PPP2R5C: variants seen among roughly 807,000 people sequenced by gnomAD.
PPP2R5C encodes serine/threonine-protein phosphatase 2A 56 kDa regulatory subunit gamma isoform.
A neutral mutation model predicts 68.9 loss-of-function variants in PPP2R5C; 7 were observed. That is an observed-to-expected ratio of 0.10 (90% confidence interval 0.06 to 0.19). The LOEUF is 0.19. Ranked by LOEUF, PPP2R5C falls within the 10% of genes least tolerant of loss-of-function variation. The pLI, the probability that PPP2R5C is intolerant of heterozygous loss-of-function variation, is 1.00. For synonymous variants in PPP2R5C, 210 were observed against 222.2 expected (o/e 0.95, Z 0.49); for missense variants, 348 against 641.3 (o/e 0.54, Z 4.94).
chr14:101,895,900 T>C (rs2045288088), intron 8 of PPP2R5C, among the ~76,000 whole-genome samples: 1 of 152,232 alleles, frequency 6.6e-6, no homozygotes, highest in African/African-American at 2.4e-5. Context: ...CCATACTGTT[T>C]TCCACAGTGA....
intron 13 of PPP2R5C, among the ~76,000 whole-genome samples, chr14:101,918,926 G>A (rs1337137456): frequency 4.6e-5 from 7 of 151,940 alleles, no homozygotes; most frequent in South Asian, 2.1e-4. Context: ...TTTGACCAGC[G>A]AAAGAATTCC....
At chr14:101,907,386 G>T (rs1028793530) in intron 10 of PPP2R5C, among the ~76,000 whole-genome samples, 2 of 151,932 alleles carry the variant, frequency 1.3e-5, no homozygotes, top group Non-Finnish European at 2.9e-5. Flanking sequence ...GCCCAGGCTG[G>T]TCTCGAACTC....
intron 1 of PPP2R5C, among the ~76,000 whole-genome samples, chr14:101,838,491 C>A (rs571340483): frequency 6.6e-6 from 1 of 152,310 alleles, no homozygotes. Flanking sequence ...AATATTTTGC[C>A]ACATTTGCTG....
intron 1 of PPP2R5C, among the ~76,000 whole-genome samples, chr14:101,822,663 A>G (rs1011705515): frequency 3.3e-5 from 5 of 152,198 alleles, no homozygotes; most frequent in Non-Finnish European, 7.3e-5. Flanking sequence ...TCAGGTATTG[A>G]AACTGGCCTT....
Position 101,766,967 on chromosome 14 carries a change from C to A in PPP2R5C, c.93+3997C>A, listed in dbSNP as rs1006387929. ...AGTGTGTGTACTGTGTCCAATGTTA[C>A]ATTTTTAGAAGTGTTCATGCTTTTT... On this transcript the variant is annotated intron_variant, in intron 2 of 14. Transcript: ENST00000328724. 8 of 152,226 alleles carry A rather than the reference C, an allele frequency of 5.3e-5. 1 individual carries two copies. Among genetic ancestry groups the A allele is most frequent in the Admixed American group, 2.6e-4 (4 of 15,278 alleles). The allele number at this position is 152,226 out of a possible 1,614,324, so 9.4% of individuals were successfully genotyped here.
intron 8 of PPP2R5C, among the ~76,000 whole-genome samples, chr14:101,895,917 C>T (rs929774669): frequency 6.6e-5 from 10 of 152,290 alleles, no homozygotes; most frequent in African/African-American, 2.4e-4. Context: ...GTGACTGTCC[C>T]GTTTTACATT....
At chr14:101,771,514 A>C (rs982671155) in intron 2 of PPP2R5C, among the ~76,000 whole-genome samples, 1 of 152,084 alleles carries the variant, frequency 6.6e-6, no homozygotes, top group Admixed American at 6.6e-5. Flanking sequence ...GTGGATCATG[A>C]GGTCAGGAGT....
At chr14:101,900,179 G>A (rs1278978850) in intron 8 of PPP2R5C, among the ~76,000 whole-genome samples, 3 of 152,048 alleles carry the variant, frequency 2.0e-5, no homozygotes, top group African/African-American at 4.8e-5. Context: ...GAGCCACCAC[G>A]CCCAGCCTTA....
At chr14:101,844,666 G>A (rs61995283) in intron 1 of PPP2R5C, among the ~76,000 whole-genome samples, 20,075 of 152,214 alleles carry the variant, frequency 0.13, 2,024 homozygotes, top group African/African-American at 0.28. Context: ...AAAGGGCCTG[G>A]AAAAGTGTGT....
chr14:101,796,424 A>C (rs2038611405), intron 3 of PPP2R5C: 1 of 152,284 alleles, frequency 6.6e-6, no homozygotes, highest in Non-Finnish European at 1.5e-5. Context: ...TTGCTGAGGC[A>C]GTTCACACTG....
chr14:101,816,670 T>C (rs2039688721), intron 1 of PPP2R5C, among the ~76,000 whole-genome samples: 1 of 151,632 alleles, frequency 6.6e-6, no homozygotes, highest in Non-Finnish European at 1.5e-5. Flanking sequence ...GAATGCAGAA[T>C]GAAGTATTAA....
At chr14:101,855,734 C>T (rs545204576) in intron 1 of PPP2R5C, among the ~76,000 whole-genome samples, 1 of 152,350 alleles carries the variant, frequency 6.6e-6, no homozygotes, top group Non-Finnish European at 1.5e-5. Context: ...GGGAAGATGT[C>T]ACGCTCACAG....
rs36040425 is a variant in PPP2R5C at position 101,784,510 on chromosome 14, T to TGG, written c.94-1499_94-1498dup. 1.7e-3 allele frequency among the ~76,000 whole-genome samples: 207 copies of TGG among 123,542 alleles called. 1 individual carries two copies. The highest frequency in any genetic ancestry group is 0.016 in the Middle Eastern group (4 of 248). The allele number at this position is 123,542 out of a possible 152,430, so 81.0% of individuals were successfully genotyped here. On this transcript the variant is annotated intron_variant, in intron 2 of 14. Transcript: ENST00000328724. ...ACGGCAGCAGGAGAGAGAGAGAAAGTGGGGGGGGGGAACTGCCAAACACTT... is the reference window on the plus strand; with the variant it reads ...ACGGCAGCAGGAGAGAGAGAGAAAGTGGGGGGGGGGGGAACTGCCAAACACTT...
chr14:101,771,890 G>T (rs959540470), intron 2 of PPP2R5C, among the ~76,000 whole-genome samples: 5 of 152,140 alleles, frequency 3.3e-5, no homozygotes, highest in Non-Finnish European at 7.3e-5. Context: ...TTTGTTGTTT[G>T]CTGCATATGG....
At chr14:101,926,473 A>G (rs1238168457) in exon 14 of PPP2R5C, 5 of 152,678 alleles carry the variant, frequency 3.3e-5, no homozygotes, top group Admixed American at 2.6e-4. Flanking sequence ...CTTTTGTTTT[A>G]GATGGAATAG....
At chr14:101,803,605 TC>T in intron 3 of PPP2R5C, among the ~76,000 whole-genome samples, 1 of 151,972 alleles carries the variant, frequency 6.6e-6, no homozygotes, top group Admixed American at 6.6e-5. Context: ...GCACCTGTAG[TC>T]CCAGCAACTT....
At chr14:101,907,796 T>A (rs184942643) in intron 10 of PPP2R5C, among the ~76,000 whole-genome samples, 1 of 152,244 alleles carries the variant, frequency 6.6e-6, no homozygotes, top group East Asian at 1.9e-4. Context: ...GGACCAGCCC[T>A]CTCCCATGCA....
Position 101,797,410 on chromosome 14 carries a change from C to A in PPP2R5C, c.259+11227C>A. 2.4e-6 allele frequency: 1 copy of A among 416,224 alleles called. No homozygotes were observed. Among genetic ancestry groups the A allele is most frequent in the East Asian group, 7.2e-5 (1 of 13,960 alleles). 25.8% of individuals were successfully genotyped at this position (416,224 alleles called of 1,614,324 possible). ...TGTCTGCCTGTGTCATCCATTCGAG[C>A]ATCTGCCAAGGACCCAGGAAACACA... On this transcript the variant is annotated intron_variant, in intron 3 of 14. Coordinates refer to the PPP2R5C transcript ENST00000328724. This position sits in a 1 kb window ranked among gnomAD's most constrained non-coding sequence, Gnocchi z 4.2.
intron 8 of PPP2R5C, 26 bp downstream of exon 10, chr14:101,894,586 G>A (rs1175931082): frequency 8.7e-6 from 14 of 1,600,442 alleles, no homozygotes; most frequent in Non-Finnish European, 1.2e-5. Context: ...AGCGCGTCTT[G>A]TAAGATGTGT....
Sources: gnomAD v4.1 joint callset for allele counts (sites outside exome capture counted in the v4.1 genomes callset) on GRCh38, gnomAD v4.1.1 for gene constraint, Gnocchi (gnomAD v3.1) non-coding constraint, MANE v1.5 for transcripts, NCBI Gene and HGNC (gene_info 2026-07-23, HGNC 2026-07-21) for gene names.